EYS: variants seen among roughly 807,000 people sequenced by gnomAD.
The protein encoded by EYS is protein eyes shut homolog.
EYS carries 250 observed loss-of-function variants against 282.1 expected under a neutral mutation model. The ratio of observed to expected loss-of-function variants is 0.89; its 90% CI spans 0.80 to 0.98. The LOEUF (loss-of-function observed/expected upper bound fraction) is 0.98. Among genes scored for constraint, EYS ranks in the 50% least tolerant of loss-of-function variants. The pLI is 0.00. For synonymous variants in EYS, 1,355 were observed against 1,282.9 expected (o/e 1.06, Z -1.20); for missense variants, 4,016 against 3,709.0 (o/e 1.08, Z -2.15).
At chr6:65,540,106 T>C (rs1768107904) in intron 2 of EYS, among the ~76,000 whole-genome samples, 1 of 152,202 alleles carries the variant, frequency 6.6e-6, no homozygotes, top group East Asian at 1.9e-4. Flanking sequence ...TTTTAGTTTT[T>C]AACAGAATCG....
chr6:65,189,428 C>T (rs1468317357), intron 12 of EYS, among the ~76,000 whole-genome samples: 2 of 151,706 alleles, frequency 1.3e-5, no homozygotes, highest in East Asian at 1.9e-4. Context: ...ATGTATCACT[C>T]TATGGAACAT....
intron 30 of EYS, among the ~76,000 whole-genome samples, chr6:64,294,013 C>G (rs752374722): frequency 6.6e-6 from 1 of 152,104 alleles, no homozygotes; most frequent in Non-Finnish European, 1.5e-5. Context: ...GAGGTATACG[C>G]TACCTAATTA....
At chr6:63,779,323 G>C (rs559979017) in intron 39 of EYS, 2 of 151,460 alleles carry the variant, frequency 1.3e-5, no homozygotes, top group African/African-American at 4.9e-5. Context: ...GCGTGGTGGC[G>C]GGTGCCTGTA....
intron 1 of EYS, among the ~76,000 whole-genome samples, chr6:65,672,774 G>A (rs1025791034): frequency 2.6e-5 from 4 of 152,016 alleles, no homozygotes; most frequent in African/African-American, 7.2e-5. Context: ...ATTTTCATGC[G>A]AGTCCATGTG....
chr6:64,399,629 A>G (rs1355113353), intron 28 of EYS, among the ~76,000 whole-genome samples: 1 of 151,924 alleles, frequency 6.6e-6, no homozygotes, highest in Non-Finnish European at 1.5e-5. Flanking sequence ...CTGCTCTGCA[A>G]ACTTTGTACC....
At chr6:65,088,713 A>G (rs554072374) in intron 12 of EYS, among the ~76,000 whole-genome samples, 57 of 152,298 alleles carry the variant, frequency 3.7e-4, no homozygotes, top group African/African-American at 1.3e-3. Context: ...CCCAATGATA[A>G]TCACCAAGAC....
In EYS at chr6:65,317,877, T is replaced by C. The variant is rs561127302; in HGVS notation, c.1766+17103A>G. Among the ~76,000 whole-genome samples, 250 of 59,250 alleles carry C rather than the reference T, an allele frequency of 4.2e-3. 11 individuals carry two copies. Among genetic ancestry groups the C allele is most frequent in the Middle Eastern group, 9.4e-3 (1 of 106 alleles). The allele number at this position is 59,250 out of a possible 152,430, so 38.9% of individuals were successfully genotyped here. ...TTCTTTCTTTCTTTCTTTCTTTCTTTCTTTCTTTCAGACAGAGTCTCCCTC... is the reference window on the plus strand; with the variant it reads ...TTCTTTCTTTCTTTCTTTCTTTCTTCCTTTCTTTCAGACAGAGTCTCCCTC... On this transcript the variant is annotated intron_variant, in intron 11 of 42. Transcript: ENST00000503581.
chr6:64,828,876 G>C (rs571787828), intron 19 of EYS, among the ~76,000 whole-genome samples: 1 of 152,066 alleles, frequency 6.6e-6, no homozygotes, highest in Non-Finnish European at 1.5e-5. Context: ...TTCATGGATG[G>C]GTTGACTTGG....
chr6:65,256,267 T>C (rs1037754559), intron 12 of EYS, among the ~76,000 whole-genome samples: 3 of 139,488 alleles, frequency 2.2e-5, no homozygotes, highest in Non-Finnish European at 4.5e-5. Context: ...AACTTCTTTT[T>C]TTTTTTCTTT....
At chr6:63,741,975 G>C (rs1051647199) in intron 41 of EYS, 1 of 702,190 alleles carries the variant, frequency 1.4e-6, no homozygotes, top group African/African-American at 1.7e-5. Context: ...GAGGATAAGT[G>C]CTAAGAAGAC....
intron 30 of EYS, among the ~76,000 whole-genome samples, chr6:64,295,507 G>A (rs200158212): frequency 3.9e-5 from 1 of 25,492 alleles, no homozygotes; most frequent in Non-Finnish European, 7.6e-5. Flanking sequence ...AAAGAAGAAA[G>A]AAGAAAGAAG....
chr6:65,124,929 T>C (rs1297987422), intron 12 of EYS, among the ~76,000 whole-genome samples: 2 of 152,184 alleles, frequency 1.3e-5, no homozygotes, highest in African/African-American at 4.8e-5. Context: ...GAGGGTAAAT[T>C]GCCTTTTCTG....
intron 22 of EYS, among the ~76,000 whole-genome samples, chr6:64,766,047 T>C (rs933127439): frequency 7.2e-5 from 11 of 152,002 alleles, no homozygotes; most frequent in Non-Finnish European, 1.3e-4. Flanking sequence ...CCCTTTTTTT[T>C]TGTAAAATAA....
At chr6:65,196,809 G>A (rs1047264828) in intron 12 of EYS, among the ~76,000 whole-genome samples, 1 of 152,052 alleles carries the variant, frequency 6.6e-6, no homozygotes, top group African/African-American at 2.4e-5. Context: ...AGCACCCAAA[G>A]GAAACAAGGG....
rs540759391 is a variant in EYS, at chr6:64,768,932, G to C, written c.3443+44446C>G. On this transcript the variant is annotated intron_variant, in intron 22 of 42. Coordinates refer to ENST00000503581, the MANE Select transcript of EYS (RefSeq NM_001142800.2). ...AGCCTACATATCTTACATTGATGAT[G>C]CTGGCAGGAAAAGTGTTGGCAATTG... Among the ~76,000 whole-genome samples the C allele has an allele frequency of 7.2e-5, 11 of 152,190 alleles. No individual in the cohort carries two copies. In the East Asian group the frequency reaches 1.9e-3, roughly 27 times the overall value.
At chr6:65,365,618 C>T (rs1164531932) in intron 8 of EYS, among the ~76,000 whole-genome samples, 1 of 151,640 alleles carries the variant, frequency 6.6e-6, no homozygotes, top group African/African-American at 2.4e-5. Context: ...TCTTCCTCAA[C>T]ATTGTGTGCC....
intron 29 of EYS, among the ~76,000 whole-genome samples, chr6:64,371,175 C>A (rs1186777966): frequency 6.6e-6 from 1 of 152,078 alleles, no homozygotes; most frequent in Non-Finnish European, 1.5e-5. Context: ...TCCCTTGGAA[C>A]ACTGCTTTGG....
At chr6:65,617,085 T>C (rs956134859) in intron 2 of EYS, among the ~76,000 whole-genome samples, 2 of 152,204 alleles carry the variant, frequency 1.3e-5, no homozygotes, top group African/African-American at 4.8e-5. Flanking sequence ...TTATACTTTC[T>C]TTGATCTTCA....
At chr6:64,379,522 GTAGTT>G (rs1484149849) in intron 29 of EYS, 1 of 151,824 alleles carries the variant, frequency 6.6e-6, no homozygotes, top group African/African-American at 2.4e-5. Context: ...AATTTATTTC[GTAGTT>G]TAAACTATAG....
Sources: gnomAD v4.1 joint callset for allele counts (sites outside exome capture counted in the v4.1 genomes callset) on GRCh38, gnomAD v4.1.1 for gene constraint, MANE v1.5 for transcripts, NCBI Gene and HGNC (gene_info 2026-07-23, HGNC 2026-07-21) for gene names.